Variants in RTTN observed in about 807,000 individuals in gnomAD.
RTTN encodes the protein rotatin.
In RTTN, 182 loss-of-function variants were observed where a neutral mutation model predicts 269.2. That is an observed-to-expected ratio of 0.68 (90% CI 0.60 to 0.76). The LOEUF (loss-of-function observed/expected upper bound fraction) is 0.76. Ranked by LOEUF, RTTN falls within the 30% of genes least tolerant of loss-of-function variation. The pLI, the probability that RTTN is intolerant of heterozygous loss-of-function variation, is 0.00. For synonymous variants in RTTN, 1,006 were observed against 963.5 expected (o/e 1.04, Z -0.82); for missense variants, 2,545 against 2,608.6 (o/e 0.98, Z 0.53).
At chr18:70,167,480 G>A (rs568685244) in intron 12 of RTTN, among the ~76,000 whole-genome samples, 4 of 152,312 alleles carry the variant, frequency 2.6e-5, no homozygotes, top group African/African-American at 4.8e-5. Flanking sequence ...CCAGCACTTC[G>A]GGAGGCCGAG....
rs114617623 is a variant in RTTN, at chr18:70,132,509, C to A, written c.2954+1964G>T. Among the ~76,000 whole-genome samples the A allele has an allele frequency of 5.1e-3, 770 of 151,824 alleles. 7 individuals are homozygous for A. Among genetic ancestry groups the A allele is most frequent in the African/African-American group, 0.017 (724 of 41,436 alleles). The stretch of plus-strand genomic sequence containing the variant: ...TAAAATAACTAGAAAACCTAATAAA[C>A]TAAATCTTCACTAGTTACCCCCAAT... On this transcript the variant is annotated intron_variant, in intron 23 of 48. Transcript: ENST00000640769.
At chr18:70,073,796 A>C in intron 34 of RTTN, 110 bp downstream of exon 34, 2 of 725,116 alleles carry the variant, frequency 2.8e-6, no homozygotes, top group Non-Finnish European at 4.7e-6. Context: ...CACTTCGAAT[A>C]AATCATAGCT....
At chr18:70,042,577 T>C (rs1009499887) in intron 40 of RTTN, among the ~76,000 whole-genome samples, 2 of 151,948 alleles carry the variant, frequency 1.3e-5, no homozygotes, top group Non-Finnish European at 2.9e-5. Flanking sequence ...GGGGTTTCAC[T>C]GTGTTAGCCA....
chr18:70,063,555 G>T (rs1420021363), intron 35 of RTTN, among the ~76,000 whole-genome samples: 1 of 152,100 alleles, frequency 6.6e-6, no homozygotes, highest in Non-Finnish European at 1.5e-5. Context: ...GACAGAGCTA[G>T]ACCCTGTCTC....
chr18:70,131,367 AATAC>A (rs1218441970), intron 23 of RTTN: 2 of 151,654 alleles, frequency 1.3e-5, no homozygotes, highest in African/African-American at 4.8e-5. Context: ...ATAGAATTTA[AATAC>A]CTGACAATAA....
At chr18:70,119,498 G>C (rs1301557492) in intron 26 of RTTN, among the ~76,000 whole-genome samples, 6 of 151,616 alleles carry the variant, frequency 4.0e-5, no homozygotes, top group African/African-American at 1.5e-4. Flanking sequence ...GGGAAGGGAG[G>C]AAAAGAAAGG....
At chr18:70,142,160 T>C (rs1051656530) in intron 19 of RTTN, 128 bp downstream of exon 19, 2 of 609,750 alleles carry the variant, frequency 3.3e-6, no homozygotes, top group Non-Finnish European at 5.8e-6. Flanking sequence ...TCTTGAGGGC[T>C]GTCAAAAAAA....
chr18:70,057,735 T>C lies in RTTN; in HGVS notation c.5031+7A>G, dbSNP rs2057858612. On this transcript the variant is annotated splice_region_variant and intron_variant, in intron 37 of 48. Coordinates refer to ENST00000640769, the MANE Select transcript of RTTN (RefSeq NM_173630.4). ...AACAAACCCACAAACAGACTTGAGA[T>C]GCTTACCTGAGCCTGAGTGTGTTCA... The C allele has an allele frequency of 1.9e-6, 3 of 1,611,732 alleles. No individual in the cohort carries two copies. Among genetic ancestry groups the C allele is most frequent in the South Asian group, 2.2e-5 (2 of 90,926 alleles).
At chr18:70,133,042 T>C (rs953673181) in intron 23 of RTTN, among the ~76,000 whole-genome samples, 1 of 152,108 alleles carries the variant, frequency 6.6e-6, no homozygotes, top group Non-Finnish European at 1.5e-5. Context: ...AAACTATAAA[T>C]GCATGATGGG....
At chr18:70,107,258 T>C (rs1040546721) in intron 28 of RTTN, among the ~76,000 whole-genome samples, 8 of 152,220 alleles carry the variant, frequency 5.3e-5, no homozygotes, top group African/African-American at 1.9e-4. Context: ...AACGGGCTCC[T>C]AACTGACTTC....
At position 70,027,619 on chromosome 18, in the gene RTTN, C is replaced by G. The variant is rs529119102; in HGVS notation, c.5823+1105G>C. 2.6e-4 allele frequency among the ~76,000 whole-genome samples: 39 copies of G among 152,206 alleles called. 1 individual carries two copies. The highest frequency in any genetic ancestry group is 2.0e-4 in the Admixed American group (3 of 15,288). ...TGAATGAATATTAACTGCACATACA[C>G]ATGAAATTTATATATTTAAATTTAC... On this transcript the variant is annotated intron_variant, in intron 43 of 48. Coordinates refer to ENST00000640769, the MANE Select transcript of RTTN (RefSeq NM_173630.4).
At chr18:70,122,989 A>G (rs1199721740) in intron 25 of RTTN, among the ~76,000 whole-genome samples, 1 of 151,968 alleles carries the variant, frequency 6.6e-6, no homozygotes, top group Non-Finnish European at 1.5e-5. Flanking sequence ...TCTTGAAGAC[A>G]CAAGACACTC....
intron 12 of RTTN, among the ~76,000 whole-genome samples, chr18:70,167,466 G>A (rs1053724546): frequency 1.3e-5 from 2 of 152,164 alleles, no homozygotes; most frequent in Non-Finnish European, 2.9e-5. Context: ...AGACCCAGTG[G>A]CTCCCAGCAC....
chr18:70,040,030 C>T (rs1018848400), intron 40 of RTTN, among the ~76,000 whole-genome samples: 1 of 136,698 alleles, frequency 7.3e-6, no homozygotes, highest in Non-Finnish European at 1.6e-5. Context: ...ATCATCTTCA[C>T]TAAAAGAAAG....
chr18:70,181,383 T>C (rs2146019985), intron 10 of RTTN, among the ~76,000 whole-genome samples: 1 of 152,304 alleles, frequency 6.6e-6, no homozygotes, highest in African/African-American at 2.4e-5. Context: ...ACTTAGCATG[T>C]AAATAGGGAA....
chr18:70,141,368 A>G (rs2060252938), intron 19 of RTTN, among the ~76,000 whole-genome samples: 1 of 152,230 alleles, frequency 6.6e-6, no homozygotes, highest in Non-Finnish European at 1.5e-5. Flanking sequence ...ACAACACTAC[A>G]AACAAAGCTA....
chr18:70,202,137 TAA>T (rs1309944906), intron 3 of RTTN, among the ~76,000 whole-genome samples, 154 bp from the exon 4 acceptor site: 1 of 152,192 alleles, frequency 6.6e-6, no homozygotes, highest in Non-Finnish European at 1.5e-5. Context: ...TCTATCTTGC[TAA>T]AGAGGAAAAA....
rs756864889 is a variant in RTTN at position 70,150,133 on chromosome 18, C to T, written c.2056-46G>A. The T allele has an allele frequency of 1.2e-5, 14 of 1,194,594 alleles. No individual in the cohort carries two copies. The East Asian group carries it at 1.2e-4, about 10-fold the overall frequency. 74.0% of individuals were successfully genotyped at this position (1,194,594 alleles called of 1,614,324 possible). A position where few individuals can be genotyped will look rare whatever the true frequency, so the allele number is the denominator to read the frequency against. On this transcript the variant is annotated intron_variant, in intron 15 of 48. Transcript: ENST00000640769. The stretch of plus-strand genomic sequence containing the variant: ...GATAAACCAGTCAAATGAGATGTCC[C>T]GCTAGGTCACCTGACACACCTGGAA...
At chr18:70,090,101 C>T (rs1160224109) in intron 30 of RTTN, among the ~76,000 whole-genome samples, 4 of 152,120 alleles carry the variant, frequency 2.6e-5, no homozygotes, top group Non-Finnish European at 5.9e-5. Context: ...GGGATTATAT[C>T]AGCAAAGACA....
Sources: gnomAD v4.1 joint callset for allele counts (sites outside exome capture counted in the v4.1 genomes callset) on GRCh38, gnomAD v4.1.1 for gene constraint, MANE v1.5 for transcripts, NCBI Gene and HGNC (gene_info 2026-07-23, HGNC 2026-07-21) for gene names.